Variants in CTNNA2 observed in about 807,000 individuals in gnomAD.
CTNNA2 encodes the protein catenin alpha-2.
Under a neutral mutation model 101.0 loss-of-function variants are expected in CTNNA2, and 42 were observed. That is an observed-to-expected ratio of 0.42 (90% CI 0.32 to 0.54). The LOEUF is 0.54. Among genes scored for constraint, CTNNA2 ranks in the 20% least tolerant of loss-of-function variants. CTNNA2 has a pLI of 0.14. For missense variants in CTNNA2, 871 were observed against 1,223.1 expected (o/e 0.71, Z 4.29); for synonymous variants, 450 against 456.4 (o/e 0.99, Z 0.18).
chr2:79,351,605 T>G (rs1397509819), intron 3 of CTNNA2, among the ~76,000 whole-genome samples: 1 of 152,086 alleles, frequency 6.6e-6, no homozygotes, highest in African/African-American at 2.4e-5. Context: ...CCCTGCTCTT[T>G]TATTCCCCAG....
At chr2:79,488,318 CAA>C (rs61641596) in intron 4 of CTNNA2, among the ~76,000 whole-genome samples, 15 of 99,912 alleles carry the variant, frequency 1.5e-4, no homozygotes, top group African/African-American at 4.7e-4. Flanking sequence ...AACTCCATCT[CAA>C]AAAAAAAAAA....
At chr2:80,355,207 G>T (rs1400919510) in intron 7 of CTNNA2, among the ~76,000 whole-genome samples, 3 of 152,040 alleles carry the variant, frequency 2.0e-5, no homozygotes, top group Non-Finnish European at 4.4e-5. Flanking sequence ...GTCCAGCCTG[G>T]CAATATTCTC....
At chr2:79,577,335 A>C (rs2103871413) in intron 1 of CTNNA2, among the ~76,000 whole-genome samples, 1 of 152,208 alleles carries the variant, frequency 6.6e-6, no homozygotes, top group South Asian at 2.1e-4. Flanking sequence ...ACATCAAAAT[A>C]TATTTAGAAA....
intron 7 of CTNNA2, among the ~76,000 whole-genome samples, chr2:80,202,449 C>A (rs1707267093): frequency 6.6e-6 from 1 of 152,096 alleles, no homozygotes; most frequent in African/African-American, 2.4e-5. Context: ...GGAAGGCTTC[C>A]CCTATTGGCT....
chr2:80,587,499 T>C (rs1228573776), intron 14 of CTNNA2, among the ~76,000 whole-genome samples: 6 of 152,172 alleles, frequency 3.9e-5, no homozygotes, highest in Non-Finnish European at 5.9e-5. Context: ...CCTTTTGAGG[T>C]AATTATTTAC....
At chr2:79,256,723 T>C (rs150512274) in intron 2 of CTNNA2, among the ~76,000 whole-genome samples, 120 of 152,362 alleles carry the variant, frequency 7.9e-4, no homozygotes, top group Middle Eastern at 3.4e-3. Flanking sequence ...GTCAGCACTC[T>C]GGATTCTGTA....
chr2:79,844,753 G>C (rs1364567781), intron 3 of CTNNA2, among the ~76,000 whole-genome samples: 1 of 152,092 alleles, frequency 6.6e-6, no homozygotes, highest in Non-Finnish European at 1.5e-5. Context: ...TATTGATGCA[G>C]GCTTGCTCAA....
At chr2:80,202,526 A>C (rs1707270607) in intron 7 of CTNNA2, among the ~76,000 whole-genome samples, 1 of 152,192 alleles carries the variant, frequency 6.6e-6, no homozygotes, top group African/African-American at 2.4e-5. Context: ...CATTTGCATT[A>C]ATAGCAAACC....
intron 2 of CTNNA2, among the ~76,000 whole-genome samples, chr2:79,297,186 GTTTGTTTGTT>G (rs1675999665): frequency 8.4e-6 from 1 of 118,700 alleles, no homozygotes; most frequent in African/African-American, 4.0e-5. Flanking sequence ...TCATTTGTTT[GTTTGTTTGTT>G]TGTTTGTTTT....
chr2:80,132,795 TC>T (rs1702484460), intron 7 of CTNNA2, among the ~76,000 whole-genome samples: 1 of 152,178 alleles, frequency 6.6e-6, no homozygotes, highest in South Asian at 2.1e-4. Context: ...TTTGACATGT[TC>T]TATAGAAAAA....
chr2:79,689,327 G>T (rs1849048), intron 2 of CTNNA2, among the ~76,000 whole-genome samples: 106,050 of 151,704 alleles, frequency 0.7, 37,234 homozygotes, highest in East Asian at 0.89. Flanking sequence ...GCAGATTATC[G>T]TTGGAAAATA....
intron 3 of CTNNA2, among the ~76,000 whole-genome samples, chr2:79,824,567 T>G (rs1447852370): frequency 6.6e-6 from 1 of 152,184 alleles, no homozygotes; most frequent in East Asian, 1.9e-4. Flanking sequence ...TTCTCAAAAT[T>G]TAGTCAAGTT....
intron 7 of CTNNA2, among the ~76,000 whole-genome samples, chr2:80,381,399 G>A (rs879328368): frequency 3.3e-5 from 5 of 152,108 alleles, no homozygotes; most frequent in Non-Finnish European, 5.9e-5. Flanking sequence ...CCTTATTTCT[G>A]TGCTAGTTCC....
intron 7 of CTNNA2, among the ~76,000 whole-genome samples, chr2:80,001,122 G>C (rs762217557): frequency 6.6e-6 from 1 of 151,888 alleles, no homozygotes; most frequent in Non-Finnish European, 1.5e-5. Context: ...ACTTTTTTTT[G>C]TATATTTGTT....
chr2:79,382,468 A>G (rs1349727888), intron 4 of CTNNA2, among the ~76,000 whole-genome samples: 1 of 152,150 alleles, frequency 6.6e-6, no homozygotes, highest in East Asian at 1.9e-4. Flanking sequence ...TGCTATTACC[A>G]AAAAAGAAGA....
At chr2:79,492,666 A>G (rs1456479851) in intron 4 of CTNNA2, among the ~76,000 whole-genome samples, 1 of 152,160 alleles carries the variant, frequency 6.6e-6, no homozygotes, top group Non-Finnish European at 1.5e-5. Context: ...AGAAGTATTA[A>G]TACACATTTT....
intron 4 of CTNNA2, among the ~76,000 whole-genome samples, chr2:79,472,219 T>C (rs1671007576): frequency 6.6e-6 from 1 of 152,204 alleles, no homozygotes; most frequent in Admixed American, 6.5e-5. Flanking sequence ...TAAGTCCACA[T>C]GCTAGCAAGA....
intron 1 of CTNNA2, among the ~76,000 whole-genome samples, chr2:79,645,284 G>A (rs1470131135): frequency 6.6e-6 from 1 of 152,116 alleles, no homozygotes; most frequent in African/African-American, 2.4e-5. Flanking sequence ...ATCGCACCCA[G>A]CTGAGGTTCA....
chr2:79,200,858 A>G (rs1674024920), intron 2 of CTNNA2, among the ~76,000 whole-genome samples: 1 of 152,200 alleles, frequency 6.6e-6, no homozygotes, highest in South Asian at 2.1e-4. Context: ...ATTTTAGCAA[A>G]GACAAATTGC....
Sources: gnomAD v4.1 joint callset for allele counts (sites outside exome capture counted in the v4.1 genomes callset) on GRCh38, gnomAD v4.1.1 for gene constraint, MANE v1.5 for transcripts, NCBI Gene and HGNC (gene_info 2026-07-23, HGNC 2026-07-21) for gene names.